The following LUZP2 variants were observed in gnomAD, a reference collection of about 807,000 sequenced individuals.
LUZP2 encodes the protein leucine zipper protein 2.
LUZP2 carries 52 observed loss-of-function variants against 51.6 expected under a neutral mutation model. That is an observed-to-expected ratio of 1.01 (90% CI 0.81 to 1.27). The LOEUF (loss-of-function observed/expected upper bound fraction) is 1.27. LUZP2 is among the 50% of genes most tolerant of loss of function. LUZP2 has a pLI of 0.00. For missense variants in LUZP2, 436 were observed against 395.4 expected, an observed-to-expected ratio of 1.10 and a Z score of -0.87; for synonymous variants, 154 against 137.3, an observed-to-expected ratio of 1.12 and a Z score of -0.85.
chr11:24,571,189 G>A (rs1852429278), intron 1 of LUZP2, among the ~76,000 whole-genome samples: 1 of 149,968 alleles, frequency 6.7e-6, no homozygotes, highest in African/African-American at 2.5e-5. Context: ...TGCTGGTGAT[G>A]CAGAGGAGAT....
intron 1 of LUZP2, among the ~76,000 whole-genome samples, chr11:24,539,392 GT>G (rs1296481451): frequency 2.0e-5 from 3 of 151,764 alleles, no homozygotes; most frequent in East Asian, 3.9e-4. Context: ...AATTATTTTA[GT>G]TTTGATAATA....
At chr11:25,049,977 C>T in intron 9 of LUZP2, 61 bp from the exon 10 acceptor site, 3 of 916,048 alleles carry the variant, frequency 3.3e-6, no homozygotes, top group South Asian at 2.0e-5. Flanking sequence ...TCTATTTGTT[C>T]AAACTATTTC....
In LUZP2 at chr11:24,574,129, C is replaced by T. The variant is rs892658156; in HGVS notation, c.62+76824C>T. Among the ~76,000 whole-genome samples, 7 of 146,774 alleles carry T rather than the reference C, an allele frequency of 4.8e-5. No individual in the cohort carries two copies. The East Asian group carries it at 1.4e-3, about 30-fold the overall frequency. ...GTTTAATCCCTTCCTTCTTCCTTTC[C>T]TTTCTCTTTCTTTCCTTCCTTCTTC... On this transcript the variant is annotated intron_variant, in intron 1 of 11. Coordinates refer to ENST00000336930, the MANE Select transcript of LUZP2 (RefSeq NM_001009909.4).
intron 5 of LUZP2, among the ~76,000 whole-genome samples, chr11:24,764,665 A>G (rs1156996937): frequency 6.6e-6 from 1 of 151,878 alleles, no homozygotes; most frequent in African/African-American, 2.4e-5. Context: ...CCCTGTCTCT[A>G]TTAAAAATAA....
intron 3 of LUZP2, among the ~76,000 whole-genome samples, chr11:24,738,019 G>A (rs569219282): frequency 6.6e-6 from 1 of 151,978 alleles, no homozygotes; most frequent in Non-Finnish European, 1.5e-5. Context: ...AAATCAACTT[G>A]CTTTTAATAT....
intron 10 of LUZP2, among the ~76,000 whole-genome samples, chr11:25,062,587 C>CAAAAAA (rs1163708322): frequency 8.6e-4 from 37 of 43,020 alleles, no homozygotes; most frequent in South Asian, 1.9e-3. Context: ...AAGACCCTGT[C>CAAAAAA]AAAAAAAAAA....
At chr11:24,580,857 C>G (rs1393055657) in intron 1 of LUZP2, among the ~76,000 whole-genome samples, 1 of 151,968 alleles carries the variant, frequency 6.6e-6, no homozygotes, top group Non-Finnish European at 1.5e-5. Flanking sequence ...AAATTTTGTT[C>G]TAGCATTACA....
At chr11:24,758,446 C>A (rs1482226427) in intron 4 of LUZP2, among the ~76,000 whole-genome samples, 2 of 151,866 alleles carry the variant, frequency 1.3e-5, no homozygotes, top group African/African-American at 4.8e-5. Context: ...GGGATCAACA[C>A]TTAAAAATTT....
chr11:24,744,340 C>T (rs988758384), intron 4 of LUZP2, among the ~76,000 whole-genome samples: 8 of 152,018 alleles, frequency 5.3e-5, no homozygotes, highest in Admixed American at 4.6e-4. Flanking sequence ...CCATCTGGTC[C>T]TAGACTTTTT....
intron 5 of LUZP2, among the ~76,000 whole-genome samples, chr11:24,840,307 G>T (rs1850988747): frequency 1.3e-5 from 2 of 151,808 alleles, no homozygotes; most frequent in South Asian, 4.1e-4. Flanking sequence ...TTCTGCAACA[G>T]AAATACACTA....
chr11:24,539,864 T>A (rs1180595216), intron 1 of LUZP2, among the ~76,000 whole-genome samples: 1 of 152,098 alleles, frequency 6.6e-6, no homozygotes. Context: ...TTTAGAGCTG[T>A]ATCTGACACA....
At chr11:24,992,669 T>C (rs898786026) in intron 9 of LUZP2, among the ~76,000 whole-genome samples, 1 of 152,060 alleles carries the variant, frequency 6.6e-6, no homozygotes, top group Non-Finnish European at 1.5e-5. Context: ...ACCTAAAAAT[T>C]TTCTGACTGA....
intron 1 of LUZP2, among the ~76,000 whole-genome samples, chr11:24,719,298 T>C (rs2133947674): frequency 6.6e-6 from 1 of 152,312 alleles, no homozygotes; most frequent in East Asian, 1.9e-4. Flanking sequence ...ATAATTAGAA[T>C]TGGAGAAGAG....
intron 9 of LUZP2, among the ~76,000 whole-genome samples, chr11:24,988,536 A>G (rs975518511): frequency 6.6e-6 from 1 of 152,050 alleles, no homozygotes; most frequent in Non-Finnish European, 1.5e-5. Context: ...ATGTTAGAAG[A>G]ATCTATGGAT....
intron 1 of LUZP2, among the ~76,000 whole-genome samples, chr11:24,511,557 T>C (rs1850312607): frequency 6.6e-6 from 1 of 152,098 alleles, no homozygotes; most frequent in Admixed American, 6.6e-5. Flanking sequence ...ATAGGAGTAT[T>C]CATAAGTAAT....
intron 1 of LUZP2, among the ~76,000 whole-genome samples, chr11:24,520,670 C>A (rs1850612629): frequency 6.6e-6 from 1 of 152,142 alleles, no homozygotes; most frequent in Non-Finnish European, 1.5e-5. Context: ...AGCATAAATG[C>A]TACTTATACA....
At chr11:24,624,501 C>T (rs904982658) in intron 1 of LUZP2, among the ~76,000 whole-genome samples, 8 of 151,926 alleles carry the variant, frequency 5.3e-5, no homozygotes. Flanking sequence ...TATATAAAGT[C>T]ATATATATAA....
chr11:24,703,601 T>C (rs1857478653), intron 1 of LUZP2, among the ~76,000 whole-genome samples: 1 of 151,926 alleles, frequency 6.6e-6, no homozygotes, highest in South Asian at 2.1e-4. Flanking sequence ...GGCAGGTGGA[T>C]CACCTGAGGT....
intron 1 of LUZP2, among the ~76,000 whole-genome samples, chr11:24,728,308 A>G (rs1201287505): frequency 7.7e-6 from 1 of 130,670 alleles, no homozygotes; most frequent in African/African-American, 2.8e-5. Context: ...CAAAAGAATT[A>G]AACACAAACA....
Sources: gnomAD v4.1 joint callset for allele counts (sites outside exome capture counted in the v4.1 genomes callset) on GRCh38, gnomAD v4.1.1 for gene constraint, MANE v1.5 for transcripts, NCBI Gene and HGNC (gene_info 2026-07-23, HGNC 2026-07-21) for gene names.